The following ESRRG variants were observed in gnomAD, a reference collection of about 807,000 sequenced individuals.
ESRRG encodes the protein estrogen-related receptor gamma.
A neutral mutation model predicts 44.0 loss-of-function variants in ESRRG; 13 were observed. The ratio of observed to expected loss-of-function variants is 0.30; its 90% CI spans 0.19 to 0.47. ESRRG has a LOEUF of 0.47. Ranked by LOEUF, ESRRG falls within the 20% of genes least tolerant of loss-of-function variation. ESRRG has a pLI of 1.00. For synonymous variants in ESRRG, 215 were observed against 214.6 expected, an observed-to-expected ratio of 1.00 and a Z score of -0.02; for missense variants, 395 against 580.6, an observed-to-expected ratio of 0.68 and a Z score of 3.29.
intron 1 of ESRRG, among the ~76,000 whole-genome samples, chr1:217,059,775 C>T (rs1266164814): frequency 6.6e-6 from 1 of 151,958 alleles, no homozygotes; most frequent in Non-Finnish European, 1.5e-5. Flanking sequence ...ATAATATATA[C>T]AACTCAGGCT....
Position 216,956,236 on chromosome 1 carries a change from T to C in ESRRG, c.-105-16563A>G, listed in dbSNP as rs574748556. ...TTTTGTATGTGGCGAGGGATAGGGA[T>C]ACAGTTTCAATCTTCTGCATATAGA... On this transcript the variant is annotated intron_variant, in intron 1 of 7. Transcript: ENST00000359162. 5.9e-5 allele frequency among the ~76,000 whole-genome samples: 9 copies of C among 152,210 alleles called. No individual in the cohort carries two copies. In the East Asian group the frequency reaches 1.4e-3, roughly 23 times the overall value.
Position 216,677,149 on chromosome 1 carries a change from G to A in ESRRG, c.399C>T (p.Asp133=). The A allele has an allele frequency of 6.2e-7, 1 of 1,614,124 alleles. No homozygotes were observed. Among genetic ancestry groups the A allele is most frequent in the Non-Finnish European group, 8.5e-7 (1 of 1,179,984 alleles). ...CCCCATAGTGGTACCCAGAAGCGAT[G>A]TCACCACACACTAAACACAGTCTCT... The part of the protein sequence containing the change: ...MPKRLCLVCG[D]IASGYHYGVA... Residue 133 remains aspartate, a synonymous_variant, in exon 2 of 7, where the codon GAC becomes GAT. Transcript: ENST00000408911.
chr1:216,836,636 C>G (rs892808386), intron 2 of ESRRG, among the ~76,000 whole-genome samples: 21 of 151,314 alleles, frequency 1.4e-4, no homozygotes, highest in Admixed American at 1.2e-3. Flanking sequence ...AGTTTTACAA[C>G]AGCCACCAGC....
At chr1:216,809,025 C>T (rs1263130805) in intron 2 of ESRRG, among the ~76,000 whole-genome samples, 1 of 152,112 alleles carries the variant, frequency 6.6e-6, no homozygotes, top group Non-Finnish European at 1.5e-5. Context: ...AGGCACTGTG[C>T]TAGCTTACAT....
At chr1:216,870,585 A>G (rs2576245) in intron 2 of ESRRG, among the ~76,000 whole-genome samples, 75,192 of 151,202 alleles carry the variant, frequency 0.5, 21,507 homozygotes, top group African/African-American at 0.8. Context: ...AATTGGCATT[A>G]TTTCTTCCAT....
At chr1:216,827,506 A>G (rs2095417738) in intron 2 of ESRRG, among the ~76,000 whole-genome samples, 1 of 152,196 alleles carries the variant, frequency 6.6e-6, no homozygotes, top group Non-Finnish European at 1.5e-5. Context: ...CATCTATAAA[A>G]CAGGAATAAT....
chr1:216,944,947 G>A (rs2065833303), intron 1 of ESRRG, among the ~76,000 whole-genome samples: 3 of 152,086 alleles, frequency 2.0e-5, no homozygotes. Flanking sequence ...CAAATTTAGA[G>A]GGACAAGCTC....
At chr1:216,747,462 T>C (rs2091530668) in intron 2 of ESRRG, among the ~76,000 whole-genome samples, 1 of 152,138 alleles carries the variant, frequency 6.6e-6, no homozygotes, top group African/African-American at 2.4e-5. Context: ...GATATAATGA[T>C]AGATTGGGTG....
At chr1:216,627,496 G>A (rs559421688) in intron 3 of ESRRG, among the ~76,000 whole-genome samples, 3 of 152,228 alleles carry the variant, frequency 2.0e-5, no homozygotes, top group African/African-American at 7.2e-5. Context: ...ACAGTATGGT[G>A]CCAGCTTTGC....
At chr1:216,519,814 T>TAA (rs147923058) in intron 5 of ESRRG, among the ~76,000 whole-genome samples, 38,082 of 117,908 alleles carry the variant, frequency 0.32, 5,711 homozygotes, top group Middle Eastern at 0.46. Context: ...AACATAAAAG[T>TAA]AAAAAAAAAA....
Position 216,608,834 on chromosome 1 carries a change from A to G in ESRRG, c.590-40736T>C, listed in dbSNP as rs11572737. On this transcript the variant is annotated intron_variant, in intron 3 of 6. Transcript: ENST00000408911. ...TGCATCTTGTTATAAAAACCACTTT[A>G]CCAATTCCCTCTAGTTCACAAAACA... is the stretch of plus-strand genomic sequence containing the variant. Among the ~76,000 whole-genome samples, 298 of 152,336 alleles carry G rather than the reference A, an allele frequency of 2.0e-3. 1 individual carries two copies. Among genetic ancestry groups the G allele is most frequent in the African/African-American group, 7.0e-3 (289 of 41,578 alleles).
At chr1:216,813,476 G>A (rs1367964946) in intron 2 of ESRRG, among the ~76,000 whole-genome samples, 1 of 152,126 alleles carries the variant, frequency 6.6e-6, no homozygotes, top group Non-Finnish European at 1.5e-5. Flanking sequence ...AGAGGATATC[G>A]AATCTGTATA....
At chr1:216,669,443 T>C (rs1205585764) in intron 2 of ESRRG, among the ~76,000 whole-genome samples, 1 of 152,222 alleles carries the variant, frequency 6.6e-6, no homozygotes, top group Non-Finnish European at 1.5e-5. Context: ...ACTATTAAAA[T>C]AAACACTGAA....
intron 2 of ESRRG, among the ~76,000 whole-genome samples, chr1:216,822,995 G>C (rs1397545730): frequency 1.3e-5 from 2 of 152,088 alleles, no homozygotes; most frequent in Non-Finnish European, 2.9e-5. Flanking sequence ...TTGAAGATGA[G>C]TTTACCCAAT....
chr1:216,982,355 G>C (rs1463702342), intron 1 of ESRRG, among the ~76,000 whole-genome samples: 1 of 152,172 alleles, frequency 6.6e-6, no homozygotes, highest in African/African-American at 2.4e-5. Flanking sequence ...TTATGTTCTA[G>C]ATGGGCAATG....
Position 216,568,240 on chromosome 1 carries a change from A to G in ESRRG, c.590-142T>C, listed in dbSNP as rs1317608480. 3 of 628,734 alleles carry G rather than the reference A, an allele frequency of 4.8e-6. No individual in the cohort carries two copies. In the African/African-American group the frequency reaches 5.5e-5, roughly 11 times the overall value. 38.9% of individuals were successfully genotyped at this position (628,734 alleles called of 1,614,324 possible). ...GACCAGGGGTACTCAAATAATGTAA[A>G]TAAGTGGTGGCTAAATCAAACTTGC... On this transcript the variant is annotated intron_variant, in intron 3 of 6. Transcript: ENST00000408911.
intron 2 of ESRRG, among the ~76,000 whole-genome samples, chr1:216,938,772 A>G (rs1187187302): frequency 1.3e-5 from 2 of 152,210 alleles, no homozygotes; most frequent in Admixed American, 1.3e-4. Context: ...GAGATCCTGC[A>G]TTAGAGGAGG....
intron 2 of ESRRG, among the ~76,000 whole-genome samples, chr1:216,740,675 C>A (rs1027953214): frequency 6.6e-6 from 1 of 151,506 alleles, no homozygotes; most frequent in East Asian, 1.9e-4. Flanking sequence ...GAAATTGTAA[C>A]CCTGCCTTAG....
At chr1:216,675,361 A>G (rs889727168) in intron 2 of ESRRG, among the ~76,000 whole-genome samples, 1 of 152,052 alleles carries the variant, frequency 6.6e-6, no homozygotes, top group Non-Finnish European at 1.5e-5. Flanking sequence ...AATCTGCCTC[A>G]AAAAGAAAAA....
Sources: allele counts gnomAD v4.1 joint callset (sites outside exome capture counted in the v4.1 genomes callset), GRCh38; gene constraint gnomAD v4.1.1; transcripts MANE v1.5; gene names NCBI Gene and HGNC (gene_info 2026-07-23, HGNC 2026-07-21).